COBL: variants seen among roughly 807,000 people sequenced by gnomAD.
COBL encodes the protein protein cordon-bleu.
In COBL, 51 loss-of-function variants were observed where a neutral mutation model predicts 98.8. The observed-to-expected ratio is 0.52, with a 90% CI of 0.41 to 0.65. The LOEUF is 0.65. Ranked by LOEUF, COBL falls within the 30% of genes least tolerant of loss-of-function variation. The pLI, the probability that COBL is intolerant of heterozygous loss-of-function variation, is 0.00. For synonymous variants in COBL, 634 were observed against 651.7 expected (o/e 0.97, Z 0.41); for missense variants, 1,617 against 1,617.5 (o/e 1.00, Z 0.01).
At chr7:51,179,474 G>A (rs550389302) in intron 5 of COBL, among the ~76,000 whole-genome samples, 3 of 152,220 alleles carry the variant, frequency 2.0e-5, no homozygotes, top group East Asian at 1.9e-4. Context: ...CCAAAGTGCT[G>A]GGAATACAGG....
intron 5 of COBL, among the ~76,000 whole-genome samples, chr7:51,164,551 A>C (rs1042612524): frequency 2.6e-5 from 4 of 152,266 alleles, no homozygotes; most frequent in Admixed American, 2.0e-4. Context: ...AGGAGAAATA[A>C]AGACTTCCCT....
intron 7 of COBL, among the ~76,000 whole-genome samples, chr7:51,068,879 C>G (rs1351836906): frequency 6.6e-6 from 1 of 152,172 alleles, no homozygotes; most frequent in Non-Finnish European, 1.5e-5. Context: ...TAACCATTTA[C>G]TATTATTTTA....
intron 6 of COBL, among the ~76,000 whole-genome samples, chr7:51,094,152 C>T (rs992143975): frequency 6.6e-6 from 1 of 151,824 alleles, no homozygotes; most frequent in Non-Finnish European, 1.5e-5. Context: ...TGTATGTTCT[C>T]ACTTATATGT....
chr7:51,104,682 C>T (rs1796095400), intron 6 of COBL, among the ~76,000 whole-genome samples: 1 of 152,144 alleles, frequency 6.6e-6, no homozygotes, highest in Non-Finnish European at 1.5e-5. Context: ...TAAGGGGAGC[C>T]TGGAGACCCT....
intron 5 of COBL, among the ~76,000 whole-genome samples, chr7:51,150,809 C>A (rs1184801662): frequency 6.6e-6 from 1 of 152,156 alleles, no homozygotes; most frequent in African/African-American, 2.4e-5. Flanking sequence ...CCAAGAGGTA[C>A]TAGATCTTGG....
Position 51,055,338 on chromosome 7 carries a change from T to C in COBL, c.1097-11646A>G, listed in dbSNP as rs144872488. ...AAGGGCTGCGGGAAACTCAAACTCA[T>C]CTCTTAACGTCCTCATCCACAAGGC... On this transcript the variant is annotated intron_variant, in intron 7 of 12. Transcript: ENST00000265136. Among the ~76,000 whole-genome samples the C allele has an allele frequency of 3.7e-3, 567 of 152,224 alleles. 5 individuals carry two copies. Among genetic ancestry groups the C allele is most frequent in the African/African-American group, 0.013 (540 of 41,536 alleles).
intron 1 of COBL, among the ~76,000 whole-genome samples, chr7:51,285,415 A>G (rs935170927): frequency 6.6e-6 from 1 of 151,938 alleles, no homozygotes; most frequent in Admixed American, 6.6e-5. Flanking sequence ...CACAGAATTG[A>G]TAGAGTTTAA....
chr7:51,253,195 G>A (rs1275738879), intron 1 of COBL, among the ~76,000 whole-genome samples: 1 of 152,124 alleles, frequency 6.6e-6, no homozygotes, highest in Non-Finnish European at 1.5e-5. Flanking sequence ...CTGCACTCCA[G>A]TCTGGGCAAC....
Position 51,029,198 on chromosome 7 carries a change from G to T in COBL, c.1898C>A (p.Ser633Tyr). ...NLMETAPRVT[S>Y]FASNLHTDNL... ...GTCTGTGTGAAGATTCGAAGCAAAA[G>T]AAGTCACCCTGGGCGCCGTTTCCAT... Residue 633 changes from serine to tyrosine, a missense_variant, in exon 10 of 13, where the codon TCT (serine) becomes TAT (tyrosine). Coordinates refer to ENST00000265136, the MANE Select transcript of COBL (RefSeq NM_015198.5). 1 of 1,614,164 alleles carries T rather than the reference G, an allele frequency of 6.2e-7. No individual in the cohort carries two copies. Among genetic ancestry groups the T allele is most frequent in the Non-Finnish European group, 8.5e-7 (1 of 1,180,022 alleles).
At position 51,193,431 on chromosome 7, in the gene COBL, T is replaced by G. The variant is rs1193692456; in HGVS notation, c.404A>C (p.Lys135Thr). The G allele has an allele frequency of 1.2e-6, 2 of 1,614,054 alleles. No individual in the cohort carries two copies. The highest frequency in any genetic ancestry group is 1.7e-6 in the Non-Finnish European group (2 of 1,180,038). The part of the protein sequence containing the change: ...GTLNVHTVFL[K>T]EKVPEEKVKP... ...AACCTTCTCTTCAGGAACTTTTTCTTTCAGAAACACAGTATGCACATTCAG... is the reference window on the plus strand; with the variant it reads ...AACCTTCTCTTCAGGAACTTTTTCTGTCAGAAACACAGTATGCACATTCAG... The change falls in exon 3 of 13, where the codon AAA becomes ACA. Residue 135 changes from lysine (K) to threonine (T), a missense_variant. By Grantham distance (78) the Lys-to-Thr change is moderately conservative (BLOSUM62 -1). Around this residue, in one of 3 missense-constraint regions of COBL, gnomAD observed 238 missense variants for 215.0 expected, o/e 1.11. Coordinates refer to ENST00000265136, the MANE Select transcript of COBL (RefSeq NM_015198.5).
chr7:51,100,665 C>T (rs1795723830), intron 6 of COBL, among the ~76,000 whole-genome samples: 1 of 152,194 alleles, frequency 6.6e-6, no homozygotes, highest in African/African-American at 2.4e-5. Context: ...CTTTGGGAGG[C>T]TGAGGCAGGC....
intron 1 of COBL, among the ~76,000 whole-genome samples, chr7:51,273,887 A>C (rs1448299132): frequency 6.6e-6 from 1 of 152,172 alleles, no homozygotes; most frequent in Admixed American, 6.5e-5. Context: ...AGTGTCATCG[A>C]ACCGCCACAG....
At chr7:51,088,934 G>T (rs1194951154) in intron 6 of COBL, among the ~76,000 whole-genome samples, 1 of 152,172 alleles carries the variant, frequency 6.6e-6, no homozygotes, top group Non-Finnish European at 1.5e-5. Context: ...GTGCAGACTT[G>T]GTTGTGCCTG....
intron 1 of COBL, among the ~76,000 whole-genome samples, chr7:51,293,581 G>T (rs554124105): frequency 6.6e-6 from 1 of 152,306 alleles, no homozygotes; most frequent in East Asian, 1.9e-4. Flanking sequence ...AGCAGCAACA[G>T]AAAAACTTCT....
intron 2 of COBL, among the ~76,000 whole-genome samples, chr7:51,196,467 G>A (rs1790607258): frequency 6.6e-6 from 1 of 152,100 alleles, no homozygotes; most frequent in Non-Finnish European, 1.5e-5. Flanking sequence ...TTCTTTTTGT[G>A]TGTGGTGTCC....
At position 51,051,271 on chromosome 7, in the gene COBL, A is replaced by T. The variant is rs1790210642; in HGVS notation, c.1097-7579T>A. Among the ~76,000 whole-genome samples the T allele has an allele frequency of 2.0e-5, 3 of 152,348 alleles. No homozygotes were observed. The South Asian group carries it at 6.2e-4, about 32-fold the overall frequency. ...GTTCACATGATTTGTTTATAGCTAT[A>T]TATAATCCCTCTCTAGAAGCTAGTA... On this transcript the variant is annotated intron_variant, in intron 7 of 12. Coordinates refer to ENST00000265136, the MANE Select transcript of COBL (RefSeq NM_015198.5).
At chr7:51,293,997 A>G (rs1801156594) in intron 1 of COBL, among the ~76,000 whole-genome samples, 1 of 152,200 alleles carries the variant, frequency 6.6e-6, no homozygotes, top group South Asian at 2.1e-4. Flanking sequence ...TCAACAGTCA[A>G]GAACTACCTT....
At chr7:51,149,217 C>CCT (rs923993523) in intron 5 of COBL, among the ~76,000 whole-genome samples, 5 of 152,306 alleles carry the variant, frequency 3.3e-5, no homozygotes, top group Admixed American at 6.5e-5. Context: ...CTGATGCTTG[C>CCT]CGGAGGGCTG....
At chr7:51,068,824 T>C (rs964012439) in intron 7 of COBL, among the ~76,000 whole-genome samples, 6 of 152,248 alleles carry the variant, frequency 3.9e-5, no homozygotes, top group Non-Finnish European at 7.3e-5. Context: ...CAATATTAAA[T>C]GGAGACTTGT....
Sources: gnomAD v4.1 joint callset for allele counts (sites outside exome capture counted in the v4.1 genomes callset) on GRCh38, gnomAD v4.1.1 for gene constraint, gnomAD v4.1.1 regional missense constraint, MANE v1.5 for transcripts, NCBI Gene and HGNC (gene_info 2026-07-23, HGNC 2026-07-21) for gene names.